Variants in RHNO1 observed in about 807,000 individuals in gnomAD.
The protein encoded by RHNO1 is RAD9, HUS1, RAD1-interacting nuclear orphan protein 1.
Under a neutral mutation model 7.2 loss-of-function variants are expected in RHNO1, and 9 were observed. The observed-to-expected ratio is 1.25, with a 90% CI of 0.75 to 2.18. The LOEUF (loss-of-function observed/expected upper bound fraction) is 2.18, where lower values mean the gene tolerates loss of function less well. RHNO1 is among the 30% of genes most tolerant of loss of function. The pLI, the probability that RHNO1 is intolerant of heterozygous loss-of-function variation, is 0.00. For synonymous variants in RHNO1, 95 were observed against 107.5 expected, an observed-to-expected ratio of 0.88 and a Z score of 0.72; for missense variants, 292 against 284.5, an observed-to-expected ratio of 1.03 and a Z score of -0.19.
intron 1 of RHNO1, among the ~76,000 whole-genome samples, chr12:2,878,889 AG>A (rs2098153234): frequency 6.6e-6 from 1 of 151,988 alleles, no homozygotes; most frequent in Non-Finnish European, 1.5e-5. Context: ...ACTTTGGCCA[AG>A]GGACGGGCGG....
chr12:2,887,541 C>T (rs1042481181), intron 2 of RHNO1, among the ~76,000 whole-genome samples: 4 of 151,282 alleles, frequency 2.6e-5, no homozygotes, highest in South Asian at 2.1e-4. Context: ...CCCAGCTACT[C>T]GGGAAGCTGA....
upstream of RHNO1, chr12:2,876,824 C>T (rs2098145353): frequency 6.5e-6 from 1 of 152,924 alleles, no homozygotes; most frequent in Non-Finnish European, 1.5e-5. Flanking sequence ...GTGGCCCGTG[C>T]CCTGCTGCTA....
In RHNO1 at chr12:2,888,517, C is replaced by G; in HGVS notation, c.*58C>G. 1.4e-6 allele frequency: 2 copies of G among 1,432,270 alleles called. No individual in the cohort carries two copies. The highest frequency in any genetic ancestry group is 1.9e-6 in the Non-Finnish European group (2 of 1,072,120). 88.7% of individuals were successfully genotyped at this position (1,432,270 alleles called of 1,614,324 possible). A position where few individuals can be genotyped will look rare whatever the true frequency, so the allele number is the denominator to read the frequency against. ...TGTTTTCTGGAGTCATAAAGGAATT[C>G]AATTCCTAGGGTTTTTGTTTTTGTT... On this transcript the variant is annotated 3_prime_UTR_variant, in exon 3 of 3. Transcript: ENST00000489288.
intron 1 of RHNO1, among the ~76,000 whole-genome samples, chr12:2,883,953 G>A (rs944747015): frequency 2.6e-5 from 4 of 152,150 alleles, no homozygotes; most frequent in African/African-American, 9.6e-5. Flanking sequence ...GTCTACTTTA[G>A]TATATATTTG....
chr12:2,888,499 TGGAGTC>T lies in RHNO1; in HGVS notation c.*41_*46del. 1 of 1,499,736 alleles carries T rather than the reference TGGAGTC, an allele frequency of 6.7e-7. No individual in the cohort carries two copies. Among genetic ancestry groups the T allele is most frequent in the Non-Finnish European group, 8.9e-7 (1 of 1,123,310 alleles). 92.9% of individuals were successfully genotyped at this position (1,499,736 alleles called of 1,614,324 possible). A position where few individuals can be genotyped will look rare whatever the true frequency, so the allele number is the denominator to read the frequency against. ...CTCAATAGAAAAGAGATATGTTTTCTGGAGTCATAAAGGAATTCAATTCCTAGGGTT... is the reference window on the plus strand; with the variant it reads ...CTCAATAGAAAAGAGATATGTTTTCTATAAAGGAATTCAATTCCTAGGGTT... On this transcript the variant is annotated 3_prime_UTR_variant, in exon 3 of 3. Coordinates refer to ENST00000489288, the MANE Select transcript of RHNO1 (RefSeq NM_001252499.3).
rs533591637 is a variant in RHNO1, at chr12:2,879,951, TG to T, written c.-85+2670del. Among the ~76,000 whole-genome samples, 34 of 152,218 alleles carry T rather than the reference TG, an allele frequency of 2.2e-4. No homozygotes were observed. The East Asian group carries it at 3.7e-3, about 16-fold the overall frequency. ...TTCTGGAAAATGAGAGTATTTCCTT[TG>T]ATGTCTTCTGTATTCTTTGTCAAGT... On this transcript the variant is annotated intron_variant, in intron 1 of 2. Transcript: ENST00000489288.
At chr12:2,880,910 A>T (rs2098156722) in intron 1 of RHNO1, among the ~76,000 whole-genome samples, 1 of 151,750 alleles carries the variant, frequency 6.6e-6, no homozygotes, top group African/African-American at 2.4e-5. Context: ...AAGTTCTGGG[A>T]TTACAGGCGT....
At chr12:2,883,501 A>ATTT (rs2098161252) in intron 1 of RHNO1, among the ~76,000 whole-genome samples, 1 of 31,238 alleles carries the variant, frequency 3.2e-5, no homozygotes, top group African/African-American at 1.1e-4. Context: ...ATATATATAT[A>ATTT]TATATATATA....
In RHNO1 at chr12:2,889,178, C is replaced by CTTG. The variant is rs1175516970; in HGVS notation, c.*719_*720insTTG. On this transcript the variant is annotated 3_prime_UTR_variant, in exon 3 of 3. Coordinates refer to ENST00000489288, the MANE Select transcript of RHNO1 (RefSeq NM_001252499.3). ...ACTCTGTGACTCTATGGTTGACTGC[C>CTTG]ACCTCTGCAACCTTGACTCATCTGC... 6.6e-6 allele frequency: 1 copy of CTTG among 152,178 alleles called. No individual in the cohort carries two copies. Among genetic ancestry groups the CTTG allele is most frequent in the African/African-American group, 2.4e-5 (1 of 41,434 alleles). The allele number at this position is 152,178 out of a possible 1,614,324, so 9.4% of individuals were successfully genotyped here.
chr12:2,885,535 G>A lies in RHNO1; in HGVS notation c.168+1G>A, dbSNP rs766902312. The A allele has an allele frequency of 1.3e-6, 2 of 1,530,410 alleles. No individual in the cohort carries two copies. The highest frequency in any genetic ancestry group is 2.3e-5 in the South Asian group (2 of 87,394). 94.8% of individuals were successfully genotyped at this position (1,530,410 alleles called of 1,614,324 possible). On this transcript the variant is annotated splice_donor_variant, in intron 2 of 2. Transcript: ENST00000489288. LOFTEE classifies it high-confidence loss of function. ...TGACCACAGCACCATCACTTCCTGG[G>A]TAGGCCCATGGGATTACTATTTGAC...
chr12:2,887,932 G>C lies in RHNO1; in HGVS notation c.190G>C (p.Ala64Pro). 6.3e-7 allele frequency: 1 copy of C among 1,592,804 alleles called. No homozygotes were observed. The highest frequency in any genetic ancestry group is 8.5e-7 in the Non-Finnish European group (1 of 1,170,666). Residue 64 changes from alanine (A) to proline (P), a missense_variant, in exon 3 of 3, where the codon GCA becomes CCA. Transcript: ENST00000489288. ...TSWVSPDFDT[A>P]AGSLFPAYQK... ...TAAGGTATCACCTGATTTTGATACA[G>C]CAGCAGGAAGCTTGTTCCCAGCCTA...
intron 2 of RHNO1, 106 bp downstream of exon 2, chr12:2,885,640 T>C (rs1460706132): frequency 1.2e-5 from 12 of 1,042,402 alleles, no homozygotes; most frequent in Non-Finnish European, 1.6e-5. Context: ...AGTGGCGCGA[T>C]CTTGGCTCAC....
intron 1 of RHNO1, among the ~76,000 whole-genome samples, chr12:2,883,499 ATATATATATATATTTTTTT>A (rs1324303803): frequency 0.11 from 3,367 of 30,292 alleles, 67 homozygotes; most frequent in African/African-American, 0.24. Context: ...ATATATATAT[ATATATATATATATTTTTTT>A]TTTTTTTTTT....
At chr12:2,886,705 A>G (rs2153946043) in intron 2 of RHNO1, among the ~76,000 whole-genome samples, 1 of 151,904 alleles carries the variant, frequency 6.6e-6, no homozygotes, top group East Asian at 1.9e-4. Flanking sequence ...GAATATAGCT[A>G]CTATACAACA....
chr12:2,877,719 T>C (rs1259572720), intron 1 of RHNO1, among the ~76,000 whole-genome samples: 1 of 152,190 alleles, frequency 6.6e-6, no homozygotes, highest in African/African-American at 2.4e-5. Context: ...CCTTCGGATA[T>C]AATAGACCGT....
Position 2,879,964 on chromosome 12 carries a change from A to ATTCT in RHNO1, c.-85+2685_-85+2688dup, listed in dbSNP as rs759942508. Among the ~76,000 whole-genome samples, 86 of 152,192 alleles carry ATTCT rather than the reference A, an allele frequency of 5.7e-4. 1 individual carries two copies. Among genetic ancestry groups the ATTCT allele is most frequent in the Non-Finnish European group, 1.0e-3 (70 of 68,012 alleles). On this transcript the variant is annotated intron_variant, in intron 1 of 2. Coordinates refer to ENST00000489288, the MANE Select transcript of RHNO1 (RefSeq NM_001252499.3). ...GAGTATTTCCTTTGATGTCTTCTGT[A>ATTCT]TTCTTTGTCAAGTAGGAAGTAAAGT... is the stretch of plus-strand genomic sequence containing the variant.
At chr12:2,878,408 A>G (rs1860434) in intron 1 of RHNO1, among the ~76,000 whole-genome samples, 66,747 of 151,328 alleles carry the variant, frequency 0.44, 15,713 homozygotes, top group East Asian at 0.64. Flanking sequence ...AAAGGCTGAG[A>G]AATATCTGAG....
At chr12:2,887,573 G>A (rs1336202351) in intron 2 of RHNO1, among the ~76,000 whole-genome samples, 1 of 152,078 alleles carries the variant, frequency 6.6e-6, no homozygotes, top group Non-Finnish European at 1.5e-5. Flanking sequence ...CACTTGAACT[G>A]GGAGACAGAG....
chr12:2,877,114 G>A (rs1383099087), upstream of RHNO1: 1 of 152,166 alleles, frequency 6.6e-6, no homozygotes, highest in South Asian at 2.1e-4. Context: ...GCCGGGGGTG[G>A]GGTCTGGCAC....
Sources: allele counts gnomAD v4.1 joint callset (sites outside exome capture counted in the v4.1 genomes callset), GRCh38; gene constraint gnomAD v4.1.1; transcripts MANE v1.5; gene names NCBI Gene and HGNC (gene_info 2026-07-23, HGNC 2026-07-21).